TCTN1: variants seen among roughly 807,000 people sequenced by gnomAD.
The protein encoded by TCTN1 is tectonic-1.
A neutral mutation model predicts 65.8 loss-of-function variants in TCTN1; 58 were observed. The observed-to-expected ratio is 0.88, with a 90% CI of 0.71 to 1.10. TCTN1 has a LOEUF of 1.10. Among genes scored for constraint, TCTN1 ranks in the 50% least tolerant of loss-of-function variants. The pLI is 0.00. For synonymous variants in TCTN1, 273 were observed against 289.1 expected (o/e 0.94, Z 0.57); for missense variants, 645 against 719.4 (o/e 0.90, Z 1.18).
Position 110,639,706 on chromosome 12 carries a change from A to G in TCTN1, c.844-677A>G, listed in dbSNP as rs562264201. Among the ~76,000 whole-genome samples, 5 of 152,238 alleles carry G rather than the reference A, an allele frequency of 3.3e-5. No homozygotes were observed. Among genetic ancestry groups the G allele is most frequent in the African/African-American group, 9.6e-5 (4 of 41,526 alleles). On this transcript the variant is annotated intron_variant, in intron 7 of 14. Coordinates refer to ENST00000397659, the MANE Select transcript of TCTN1 (RefSeq NM_001082538.3). The surrounding 1 kb of genome is among the most constrained non-coding windows in gnomAD (Gnocchi z 4.9). ...CATATACCATAAAACTCACCATTTT[A>G]AAGTATACAATTCTGTGGTTTTTAG...
At chr12:110,622,443 G>A (rs971125626) in intron 2 of TCTN1, among the ~76,000 whole-genome samples, 2 of 152,158 alleles carry the variant, frequency 1.3e-5, no homozygotes, top group African/African-American at 4.8e-5. Context: ...ACAGAGGAGT[G>A]GATGGCAGTT....
chr12:110,645,246 G>C (rs1028331635), intron 12 of TCTN1, 117 bp downstream of exon 12: 15 of 1,371,112 alleles, frequency 1.1e-5, no homozygotes, highest in Non-Finnish European at 1.3e-5. Flanking sequence ...GTGGGAGCGC[G>C]GGCTGAATCT....
At chr12:110,632,091 T>C (rs1203353678) in intron 4 of TCTN1, among the ~76,000 whole-genome samples, 1 of 152,188 alleles carries the variant, frequency 6.6e-6, no homozygotes, top group African/African-American at 2.4e-5. Flanking sequence ...AAAAATTGAT[T>C]TTTATGATTT....
At chr12:110,622,152 A>C (rs2065478043) in intron 2 of TCTN1, among the ~76,000 whole-genome samples, 2 of 151,882 alleles carry the variant, frequency 1.3e-5, no homozygotes, top group African/African-American at 4.8e-5. Flanking sequence ...AATAATAATA[A>C]TAATAATGAG....
At chr12:110,648,600 G>C (rs955034906) in intron 14 of TCTN1, 1 of 159,554 alleles carries the variant, frequency 6.3e-6, no homozygotes, top group African/African-American at 2.4e-5. Context: ...CAAAATATTA[G>C]ATAAAATCAT....
intron 1 of TCTN1, among the ~76,000 whole-genome samples, chr12:110,614,912 A>G (rs1251560398): frequency 6.6e-6 from 1 of 152,254 alleles, no homozygotes; most frequent in African/African-American, 2.4e-5. Context: ...CTCACTTCTT[A>G]GGAGTCATAT....
intron 3 of TCTN1, among the ~76,000 whole-genome samples, chr12:110,627,616 T>TAC (rs2065945682): frequency 6.6e-6 from 1 of 152,236 alleles, no homozygotes; most frequent in Non-Finnish European, 1.5e-5. Flanking sequence ...TTTCTATATA[T>TAC]ACATGTGTTT....
chr12:110,640,647 C>T lies in TCTN1; in HGVS notation c.978+130C>T. 2 of 1,311,064 alleles carry T rather than the reference C, an allele frequency of 1.5e-6. No homozygotes were observed. Among genetic ancestry groups the T allele is most frequent in the Non-Finnish European group, 2.2e-6 (2 of 916,016 alleles). 81.2% of individuals were successfully genotyped at this position (1,311,064 alleles called of 1,614,324 possible). Reference sequence around the variant, plus strand: ...GGTGTGGCTTTTCTTGGCTCAGCTGCCTGCTTGTCTTTCTGCTGTCTCATC... The same window carrying T: ...GGTGTGGCTTTTCTTGGCTCAGCTGTCTGCTTGTCTTTCTGCTGTCTCATC... On this transcript the variant is annotated intron_variant, in intron 8 of 14. Coordinates refer to ENST00000397659, the MANE Select transcript of TCTN1 (RefSeq NM_001082538.3). The surrounding 1 kb of genome is among the most constrained non-coding windows in gnomAD (Gnocchi z 4.9).
At position 110,647,384 on chromosome 12, in the gene TCTN1, C is replaced by T. The variant is rs780342125; in HGVS notation, c.1635+48C>T. On this transcript the variant is annotated intron_variant, in intron 13 of 14. Transcript: ENST00000397659. ...GCATAGGTTAAGACAGAAGTCTAGA[C>T]ACAACTCAAGTGTGGTAGGTGACAG... is the stretch of plus-strand genomic sequence containing the variant. The T allele has an allele frequency of 9.9e-6, 16 of 1,610,164 alleles. No individual in the cohort carries two copies. The African/African-American group carries it at 1.3e-4, about 13-fold the overall frequency.
chr12:110,614,616 GT>G (rs1462638011), intron 1 of TCTN1, among the ~76,000 whole-genome samples: 1 of 152,242 alleles, frequency 6.6e-6, no homozygotes, highest in African/African-American at 2.4e-5. Context: ...GGGTCTCAGA[GT>G]TTAAGTGGAA....
chr12:110,647,081 CTA>C (rs774524361), intron 12 of TCTN1, 113 bp from the exon 13 acceptor site: 108 of 1,239,094 alleles, frequency 8.7e-5, no homozygotes, highest in African/African-American at 1.3e-4. Flanking sequence ...CTTGTAGAGT[CTA>C]TTCATTTTCT....
chr12:110,630,726 A>C (rs1192793699), intron 4 of TCTN1, among the ~76,000 whole-genome samples: 1 of 152,254 alleles, frequency 6.6e-6, no homozygotes, highest in Non-Finnish European at 1.5e-5. Flanking sequence ...TGGGATTTAT[A>C]GGTATCCACA....
At chr12:110,645,182 G>A in intron 12 of TCTN1, 53 bp downstream of exon 12, 1 of 1,607,364 alleles carries the variant, frequency 6.2e-7, no homozygotes, top group South Asian at 1.1e-5. Flanking sequence ...CTTCCAGGTG[G>A]TGTGATGAAG....
chr12:110,639,438 CTGTGTGTGTGTGTGTGTGTGTGTA>C lies in TCTN1; in HGVS notation c.844-934_844-911del, dbSNP rs1308445647. 6.8e-6 allele frequency among the ~76,000 whole-genome samples: 1 copy of C among 148,042 alleles called. No individual in the cohort carries two copies. Among genetic ancestry groups the C allele is most frequent in the East Asian group, 2.0e-4 (1 of 5,102 alleles). On this transcript the variant is annotated intron_variant, in intron 7 of 14. Transcript: ENST00000397659. This position sits in a 1 kb window ranked among gnomAD's most constrained non-coding sequence, Gnocchi z 4.9. ...ATAATCCTACCACCCAGAGAAACCACTGTGTGTGTGTGTGTGTGTGTGTATGTGTGTGTGAGCGTGCTTGCGCTT... is the reference window on the plus strand; with the variant it reads ...ATAATCCTACCACCCAGAGAAACCACTGTGTGTGTGAGCGTGCTTGCGCTT...
chr12:110,648,424 A>AAAG (rs1351274079), intron 14 of TCTN1, among the ~76,000 whole-genome samples: 1 of 152,180 alleles, frequency 6.6e-6, no homozygotes, highest in Non-Finnish European at 1.5e-5. Flanking sequence ...TAGAACCCAA[A>AAAG]AAGTCTTTGG....
At chr12:110,630,830 A>G (rs1480074450) in intron 4 of TCTN1, among the ~76,000 whole-genome samples, 1 of 152,224 alleles carries the variant, frequency 6.6e-6, no homozygotes, top group Non-Finnish European at 1.5e-5. Flanking sequence ...TGTGCCAGGC[A>G]CTGTGAAGAG....
In TCTN1 at chr12:110,614,346, G is replaced by A. The variant is rs576217011; in HGVS notation, c.164G>A (p.Gly55Glu). 5.6e-6 allele frequency: 9 copies of A among 1,606,860 alleles called. No homozygotes were observed. In the African/African-American group the frequency reaches 9.3e-5, roughly 17 times the overall value. ...FGTFPSTRPP[G>E]TPRAPGPSSG... Reference sequence around the variant, plus strand: ...ACTTTCCCGTCGACCAGGCCCCCCGGGACTCCCAGGGCTCCAGGGCCCTCC... The same window carrying A: ...ACTTTCCCGTCGACCAGGCCCCCCGAGACTCCCAGGGCTCCAGGGCCCTCC... The change falls in exon 1 of 15, where the codon GGG (glycine) becomes GAG (glutamate). Residue 55 changes from glycine (G) to glutamate (E), a missense_variant. Coordinates refer to ENST00000397659, the MANE Select transcript of TCTN1 (RefSeq NM_001082538.3).
intron 12 of TCTN1, 73 bp from the exon 13 acceptor site, chr12:110,647,123 C>A (rs2067375803): frequency 1.9e-6 from 3 of 1,573,620 alleles, no homozygotes; most frequent in African/African-American, 2.7e-5. Context: ...TATGTGAAAC[C>A]TTTTATAATT....
intron 1 of TCTN1, 77 bp from the exon 2 acceptor site, chr12:110,619,759 G>T: frequency 6.2e-7 from 1 of 1,605,042 alleles, no homozygotes; most frequent in South Asian, 1.1e-5. Flanking sequence ...ATTGACTTAT[G>T]GTACACTGTG....
Sources: gnomAD v4.1 joint callset for allele counts (sites outside exome capture counted in the v4.1 genomes callset) on GRCh38, gnomAD v4.1.1 for gene constraint, Gnocchi (gnomAD v3.1) non-coding constraint, MANE v1.5 for transcripts, NCBI Gene and HGNC (gene_info 2026-07-23, HGNC 2026-07-21) for gene names.